Variants in SIPA1L2 observed in about 807,000 individuals in gnomAD.
SIPA1L2 encodes signal-induced proliferation-associated 1-like protein 2.
In SIPA1L2, 56 loss-of-function variants were observed where a neutral mutation model predicts 163.9. The ratio of observed to expected loss-of-function variants is 0.34; its 90% CI spans 0.28 to 0.43. SIPA1L2 has a LOEUF of 0.43. SIPA1L2 is among the 20% of genes least tolerant of loss of function. The probability of loss-of-function intolerance (pLI) is 1.00; values close to 1 mark genes in which losing one functional copy is unlikely to be tolerated. For synonymous variants in SIPA1L2, 877 were observed against 865.7 expected, an observed-to-expected ratio of 1.01 and a Z score of -0.23; for missense variants, 1,974 against 2,193.5, an observed-to-expected ratio of 0.90 and a Z score of 2.00.
chr1:232,409,342 T>C (rs1261779526), intron 19 of SIPA1L2, among the ~76,000 whole-genome samples: 2 of 152,190 alleles, frequency 1.3e-5, no homozygotes, highest in African/African-American at 4.8e-5. Flanking sequence ...TCCGATGGTT[T>C]ACTTCTCAAA....
chr1:232,430,135 A>ACC (rs1191317659), intron 16 of SIPA1L2, among the ~76,000 whole-genome samples: 2 of 152,164 alleles, frequency 1.3e-5, no homozygotes, highest in Admixed American at 1.3e-4. Flanking sequence ...CTTGCACAGG[A>ACC]CCTCCAGTCC....
At chr1:232,415,386 T>C in intron 19 of SIPA1L2, 108 bp downstream of exon 19, 2 of 1,375,494 alleles carry the variant, frequency 1.5e-6, no homozygotes, top group South Asian at 3.4e-5. Context: ...CATTCAAAAC[T>C]TTGACCAGAC....
At chr1:232,533,038 A>G (rs1657076609) in intron 2 of SIPA1L2, among the ~76,000 whole-genome samples, 1 of 152,224 alleles carries the variant, frequency 6.6e-6, no homozygotes, top group Non-Finnish European at 1.5e-5. Flanking sequence ...TAGAACTGAC[A>G]GAGGGCATGG....
At chr1:232,411,847 C>T (rs1272667410) in intron 19 of SIPA1L2, among the ~76,000 whole-genome samples, 1 of 152,174 alleles carries the variant, frequency 6.6e-6, no homozygotes, top group East Asian at 1.9e-4. Context: ...ATTATTATTA[C>T]AGTAACATTT....
chr1:232,610,013 A>C (rs1662161916), intron 1 of SIPA1L2, among the ~76,000 whole-genome samples: 2 of 152,142 alleles, frequency 1.3e-5, no homozygotes, highest in East Asian at 3.8e-4. Context: ...TATGAGAGTA[A>C]CTGTGACTCA....
At chr1:232,629,115 G>A (rs1258949215) in intron 1 of SIPA1L2, among the ~76,000 whole-genome samples, 1 of 152,218 alleles carries the variant, frequency 6.6e-6, no homozygotes, top group African/African-American at 2.4e-5. Context: ...GCAGGTTAAT[G>A]ATGACAAATA....
At chr1:232,517,782 T>C (rs951198894) in intron 2 of SIPA1L2, among the ~76,000 whole-genome samples, 1 of 152,196 alleles carries the variant, frequency 6.6e-6, no homozygotes, top group Non-Finnish European at 1.5e-5. Context: ...GGCTCACACC[T>C]ATAACGCCAG....
intron 1 of SIPA1L2, among the ~76,000 whole-genome samples, chr1:232,628,758 G>A (rs1663212697): frequency 6.6e-6 from 1 of 152,206 alleles, no homozygotes; most frequent in African/African-American, 2.4e-5. Context: ...CGACTCAAAT[G>A]GGCAGTTTAC....
At position 232,509,544 on chromosome 1, in the gene SIPA1L2, A is replaced by C. The variant is rs549840706; in HGVS notation, c.1483+4313T>G. Among the ~76,000 whole-genome samples, 8 of 152,356 alleles carry C rather than the reference A, an allele frequency of 5.3e-5. No homozygotes were observed. In the South Asian group the frequency reaches 1.7e-3, roughly 32 times the overall value. On this transcript the variant is annotated intron_variant, in intron 3 of 22. Transcript: ENST00000674635. ...CATCGTTATCTGTGCCAGTCTGCCCAGGCCCTCTGTTTTTAAATACAATGA... is the reference window on the plus strand; with the variant it reads ...CATCGTTATCTGTGCCAGTCTGCCCCGGCCCTCTGTTTTTAAATACAATGA...
At chr1:232,424,726 A>C (rs1199636099) in intron 18 of SIPA1L2, among the ~76,000 whole-genome samples, 2 of 152,208 alleles carry the variant, frequency 1.3e-5, no homozygotes, top group Non-Finnish European at 2.9e-5. Context: ...CAATTATGTT[A>C]AACATTGGAA....
chr1:232,411,172 A>G (rs1660933797), intron 19 of SIPA1L2, among the ~76,000 whole-genome samples: 1 of 152,184 alleles, frequency 6.6e-6, no homozygotes, highest in South Asian at 2.1e-4. Flanking sequence ...GTACATTTAC[A>G]TATTTAGATT....
At chr1:232,573,070 T>C (rs1038392732) in intron 2 of SIPA1L2, among the ~76,000 whole-genome samples, 1 of 152,000 alleles carries the variant, frequency 6.6e-6, no homozygotes, top group Admixed American at 6.5e-5. Context: ...TTTGAGTCAC[T>C]GTGCCCGGCC....
intron 3 of SIPA1L2, among the ~76,000 whole-genome samples, chr1:232,506,466 T>A (rs1005633541): frequency 6.6e-6 from 1 of 152,140 alleles, no homozygotes; most frequent in African/African-American, 2.4e-5. Flanking sequence ...CAGACCTCTA[T>A]TTACCAAGAG....
intron 6 of SIPA1L2, among the ~76,000 whole-genome samples, chr1:232,482,699 A>T (rs1171359241): frequency 6.6e-6 from 1 of 152,166 alleles, no homozygotes; most frequent in African/African-American, 2.4e-5. Context: ...GACTATAGGC[A>T]CCACCCTCAT....
intron 2 of SIPA1L2, among the ~76,000 whole-genome samples, chr1:232,530,114 C>A (rs1667901881): frequency 6.6e-6 from 1 of 151,808 alleles, no homozygotes; most frequent in South Asian, 2.1e-4. Flanking sequence ...GAAGCCTCAC[C>A]ATTTATTCTT....
At chr1:232,461,331 A>C (rs1664224272) in intron 9 of SIPA1L2, among the ~76,000 whole-genome samples, 170 bp from the exon 10 acceptor site, 1 of 152,252 alleles carries the variant, frequency 6.6e-6, no homozygotes, top group Non-Finnish European at 1.5e-5. Flanking sequence ...GGACAAGGAC[A>C]CATTTAAGTT....
chr1:232,565,832 C>T (rs1037737879), intron 2 of SIPA1L2, among the ~76,000 whole-genome samples: 1 of 152,098 alleles, frequency 6.6e-6, no homozygotes, highest in African/African-American at 2.4e-5. Context: ...CCTGTGACTT[C>T]CTAGACCACA....
At chr1:232,431,105 G>A (rs544400363) in intron 16 of SIPA1L2, among the ~76,000 whole-genome samples, 6 of 152,204 alleles carry the variant, frequency 3.9e-5, no homozygotes, top group South Asian at 2.1e-4. Flanking sequence ...AGAGTCCTTC[G>A]CCTAAACATA....
chr1:232,555,767 A>G (rs1302369215), intron 2 of SIPA1L2, among the ~76,000 whole-genome samples: 2 of 152,260 alleles, frequency 1.3e-5, no homozygotes, highest in East Asian at 3.8e-4. Context: ...AGCAGGGGAT[A>G]GAGAACTCTA....
Sources: gnomAD v4.1 joint callset for allele counts (sites outside exome capture counted in the v4.1 genomes callset) on GRCh38, gnomAD v4.1.1 for gene constraint, MANE v1.5 for transcripts, NCBI Gene and HGNC (gene_info 2026-07-23, HGNC 2026-07-21) for gene names.